The following CELF2 variants were observed in gnomAD, a reference collection of about 807,000 sequenced individuals.
CELF2 encodes CUGBP Elav-like family member 2.
CELF2 carries 8 observed loss-of-function variants against 62.6 expected under a neutral mutation model. The ratio of observed to expected loss-of-function variants is 0.13; its 90% confidence interval spans 0.07 to 0.23. CELF2 has a LOEUF of 0.23. CELF2 is among the 10% of genes least tolerant of loss of function. The probability of loss-of-function intolerance (pLI) is 1.00; values close to 1 mark genes in which losing one functional copy is unlikely to be tolerated. For missense variants in CELF2, 333 were observed against 671.0 expected, an observed-to-expected ratio of 0.50 and a Z score of 5.56; for synonymous variants, 258 against 250.0, an observed-to-expected ratio of 1.03 and a Z score of -0.30.
chr10:10,521,289 C>T, the CELF2 span, among the ~76,000 whole-genome samples: 2 of 152,128 alleles, frequency 1.3e-5, no homozygotes, highest in African/African-American at 2.4e-5. Flanking sequence ...TACCATATTC[C>T]AAAACAGAGC....
chr10:11,317,426 C>T (rs1038037369), intron 10 of CELF2: 2 of 152,198 alleles, frequency 1.3e-5, no homozygotes, highest in African/African-American at 2.4e-5. Context: ...TCTTCATCTA[C>T]CTTAGTTCTA....
the CELF2 span, among the ~76,000 whole-genome samples, chr10:10,716,688 A>C: frequency 6.6e-6 from 1 of 152,142 alleles, no homozygotes; most frequent in Non-Finnish European, 1.5e-5. Flanking sequence ...TTTTCATTGC[A>C]ACCCCAGGTG....
chr10:10,679,403 C>A, the CELF2 span, among the ~76,000 whole-genome samples: 3 of 152,262 alleles, frequency 2.0e-5, no homozygotes, highest in African/African-American at 4.8e-5. Context: ...CATTCTCCCG[C>A]CTCAGCCTCC....
intron 1 of CELF2, among the ~76,000 whole-genome samples, chr10:10,878,668 T>C (rs1056510911): frequency 6.6e-6 from 1 of 152,146 alleles, no homozygotes; most frequent in Non-Finnish European, 1.5e-5. Context: ...TCTTAGTGAG[T>C]GGAGGGTTTC....
upstream of CELF2, among the ~76,000 whole-genome samples, chr10:10,794,342 C>T (rs569780452): frequency 1.5e-3 from 219 of 151,026 alleles, no homozygotes; most frequent in African/African-American, 5.2e-3. Context: ...CAAGAGCCGG[C>T]AAAAATAAGA....
At chr10:10,943,630 G>A (rs539912010) in intron 2 of CELF2, among the ~76,000 whole-genome samples, 10 of 152,070 alleles carry the variant, frequency 6.6e-5, no homozygotes, top group East Asian at 1.9e-4. Context: ...ACAGAGTCTC[G>A]CTCTGTCACC....
At chr10:11,142,683 C>CAAAA (rs1006618543) in intron 1 of CELF2, among the ~76,000 whole-genome samples, 1,327 of 63,592 alleles carry the variant, frequency 0.021, 29 homozygotes, top group Non-Finnish European at 0.03. Context: ...GACGCTGTCT[C>CAAAA]AAAAAAAAAA....
the CELF2 span, among the ~76,000 whole-genome samples, chr10:10,578,858 T>G: frequency 4.2e-4 from 64 of 152,304 alleles, no homozygotes; most frequent in East Asian, 8.9e-3. Flanking sequence ...TTTGCACCAA[T>G]CATCCCAATG....
intron 2 of CELF2, among the ~76,000 whole-genome samples, chr10:10,960,646 T>G (rs1385090622): frequency 6.6e-6 from 1 of 152,238 alleles, no homozygotes; most frequent in Non-Finnish European, 1.5e-5. Flanking sequence ...TACCCAGTAT[T>G]TTTAATAACA....
chr10:11,191,633 C>T lies in CELF2; in HGVS notation c.272-25792C>T, dbSNP rs1205189176. ...TGGCCTGCCCTTGGGTTTCATTTAA[C>T]TGTGGCCTCCCCAGGATGTTACACG... On this transcript the variant is annotated intron_variant, in intron 2 of 12. Transcript: ENST00000633077. The surrounding 1 kb of genome is among the most constrained non-coding windows in gnomAD (Gnocchi z 4.1). Among the ~76,000 whole-genome samples the T allele has an allele frequency of 6.6e-6, 1 of 152,210 alleles. No homozygotes were observed. Among genetic ancestry groups the T allele is most frequent in the African/African-American group, 2.4e-5 (1 of 41,454 alleles).
At chr10:10,696,804 G>T in the CELF2 span, among the ~76,000 whole-genome samples, 2 of 152,178 alleles carry the variant, frequency 1.3e-5, no homozygotes, top group Non-Finnish European at 2.9e-5. Context: ...GACCCCTTGC[G>T]CTTCCCAAGT....
intron 2 of CELF2, among the ~76,000 whole-genome samples, chr10:11,175,249 C>T (rs749312904): frequency 7.9e-5 from 12 of 151,920 alleles, no homozygotes; most frequent in South Asian, 2.1e-4. Flanking sequence ...CAGCATGAAT[C>T]GCAAAGGTCC....
chr10:10,727,699 C>A, the CELF2 span, among the ~76,000 whole-genome samples: 1 of 151,668 alleles, frequency 6.6e-6, no homozygotes, highest in Non-Finnish European at 1.5e-5. Flanking sequence ...TGGCATGAAC[C>A]CAAGAGGCGG....
chr10:11,218,476 C>A (rs2063908865), intron 3 of CELF2, among the ~76,000 whole-genome samples: 1 of 152,168 alleles, frequency 6.6e-6, no homozygotes, highest in Non-Finnish European at 1.5e-5. Context: ...CCACCACAGG[C>A]CCCCAGAAAA....
intron 1 of CELF2, among the ~76,000 whole-genome samples, chr10:11,099,069 T>G (rs1282628380): frequency 6.6e-6 from 1 of 152,222 alleles, no homozygotes; most frequent in African/African-American, 2.4e-5. Flanking sequence ...GACAACCCTT[T>G]GCCCCACACA....
the CELF2 span, among the ~76,000 whole-genome samples, chr10:10,693,848 A>C: frequency 6.6e-6 from 1 of 151,590 alleles, no homozygotes; most frequent in Non-Finnish European, 1.5e-5. Context: ...CCGTGGGATC[A>C]GTAGTGATAT....
chr10:10,665,071 G>A, the CELF2 span, among the ~76,000 whole-genome samples: 3 of 152,202 alleles, frequency 2.0e-5, no homozygotes, highest in East Asian at 1.9e-4. Context: ...GTTAAAATTC[G>A]TGGGCACTTT....
At chr10:10,846,079 C>G (rs978264396) in intron 1 of CELF2, 5 of 984,772 alleles carry the variant, frequency 5.1e-6, no homozygotes, top group Non-Finnish European at 6.0e-6. Context: ...GTGATTCGAT[C>G]AGATCCTTCT....
chr10:10,896,834 A>G (rs1385400477), intron 1 of CELF2, among the ~76,000 whole-genome samples: 3 of 152,160 alleles, frequency 2.0e-5, no homozygotes, highest in Non-Finnish European at 1.5e-5. Flanking sequence ...ATGCCCATTG[A>G]CTTAGGACAG....
Sources: allele counts gnomAD v4.1 joint callset (sites outside exome capture counted in the v4.1 genomes callset), GRCh38; gene constraint gnomAD v4.1.1; non-coding constraint Gnocchi (gnomAD v3.1); transcripts MANE v1.5; gene names NCBI Gene and HGNC (gene_info 2026-07-23, HGNC 2026-07-21).